Variants in ASCC2 observed in about 807,000 individuals in gnomAD.
ASCC2 encodes the protein activating signal cointegrator 1 complex subunit 2, also known as ASC-1 complex subunit P100.
Under a neutral mutation model 93.5 loss-of-function variants are expected in ASCC2, and 42 were observed. The ratio of observed to expected loss-of-function variants is 0.45; its 90% CI spans 0.35 to 0.58. The LOEUF is 0.58. Ranked by LOEUF, ASCC2 falls within the 20% of genes least tolerant of loss-of-function variation. ASCC2 has a pLI of 0.00. For synonymous variants in ASCC2, 364 were observed against 384.2 expected, an observed-to-expected ratio of 0.95 and a Z score of 0.62; for missense variants, 859 against 977.6, an observed-to-expected ratio of 0.88 and a Z score of 1.62.
intron 4 of ASCC2, among the ~76,000 whole-genome samples, chr22:29,822,838 A>G (rs1367683102): frequency 6.8e-6 from 1 of 146,174 alleles, no homozygotes; most frequent in Admixed American, 7.1e-5. Flanking sequence ...CTCCCACTTC[A>G]GTCTCTTGAG....
Position 29,825,063 on chromosome 22 carries a change from C to T in ASCC2, c.411+24G>A. On this transcript the variant is annotated intron_variant, in intron 4 of 19. Transcript: ENST00000307790. The surrounding 1 kb of genome is among the most constrained non-coding windows in gnomAD (Gnocchi z 4.9). ...AGAGGTGTCGAGTATCGGGTGATGA[C>T]CTGTCATGGGATCAGTGGCTTACTT... 1 of 1,409,938 alleles carries T rather than the reference C, an allele frequency of 7.1e-7. No homozygotes were observed. Among genetic ancestry groups the T allele is most frequent in the East Asian group, 2.7e-5 (1 of 37,444 alleles). The allele number at this position is 1,409,938 out of a possible 1,614,324, so 87.3% of individuals were successfully genotyped here. A position where few individuals can be genotyped will look rare whatever the true frequency, so the allele number is the denominator to read the frequency against.
intron 5 of ASCC2, among the ~76,000 whole-genome samples, chr22:29,818,016 C>T (rs2061065181): frequency 6.9e-6 from 1 of 143,944 alleles, no homozygotes; most frequent in African/African-American, 2.6e-5. Flanking sequence ...TGTTGATGCA[C>T]AATACCAGCC....
Position 29,825,718 on chromosome 22 carries a change from A to T in ASCC2, c.144T>A (p.Ile48=). 6.2e-7 allele frequency: 1 copy of T among 1,614,202 alleles called. No homozygotes were observed. Among genetic ancestry groups the T allele is most frequent in the Non-Finnish European group, 8.5e-7 (1 of 1,180,024 alleles). The stretch of plus-strand genomic sequence containing the variant: ...CCAGGTACTCCTCCACTAGGGCGGG[A>T]ATGTTGTCTTTAGGGGGCGGTTTGT... ...VLYKPPPKDN[I]PALVEEYLER... Residue 48 remains isoleucine (I), a synonymous_variant, in exon 3 of 20, where the codon ATT becomes ATA. Coordinates refer to ENST00000307790, the MANE Select transcript of ASCC2 (RefSeq NM_032204.5). This position sits in a 1 kb window ranked among gnomAD's most constrained non-coding sequence, Gnocchi z 4.9.
At chr22:29,797,699 A>G (rs1197280953) in intron 15 of ASCC2, among the ~76,000 whole-genome samples, 1 of 152,250 alleles carries the variant, frequency 6.6e-6, no homozygotes, top group Non-Finnish European at 1.5e-5. Context: ...GACTTTTCAG[A>G]GCCTTAATGT....
intron 13 of ASCC2, among the ~76,000 whole-genome samples, chr22:29,803,244 T>C: frequency 1.0e-5 from 1 of 99,040 alleles, no homozygotes; most frequent in African/African-American, 4.9e-5. Context: ...AGAGTAAAAC[T>C]CCATCTCCAA....
At chr22:29,824,976 G>C (rs1055706380) in intron 4 of ASCC2, 111 bp downstream of exon 4, 4 of 1,049,510 alleles carry the variant, frequency 3.8e-6, no homozygotes, top group Middle Eastern at 2.6e-4. Context: ...AGATGGAAGA[G>C]AGACAAAGAG....
At position 29,813,377 on chromosome 22, in the gene ASCC2, A is replaced by G. The variant is rs1046490526; in HGVS notation, c.833+53T>C. 5 of 1,249,406 alleles carry G rather than the reference A, an allele frequency of 4.0e-6. No individual in the cohort carries two copies. The African/African-American group carries it at 5.9e-5, about 15-fold the overall frequency. The allele number at this position is 1,249,406 out of a possible 1,614,324, so 77.4% of individuals were successfully genotyped here. On this transcript the variant is annotated intron_variant, in intron 8 of 19. Transcript: ENST00000307790. Reference sequence around the variant, plus strand: ...TTGTTAAATGAGTAAATATTTGTTAAATTAGTACATAAGCCAGTATCTCTA... The same window carrying G: ...TTGTTAAATGAGTAAATATTTGTTAGATTAGTACATAAGCCAGTATCTCTA...
intron 2 of ASCC2, among the ~76,000 whole-genome samples, chr22:29,826,835 T>C (rs1372280940): frequency 6.6e-6 from 1 of 151,988 alleles, no homozygotes; most frequent in Non-Finnish European, 1.5e-5. Context: ...CAGTGGCTCA[T>C]GCCTATAATC....
chr22:29,804,806 G>C lies in ASCC2; in HGVS notation c.1185C>G (p.Ile395Met). Residue 395 changes from isoleucine (I) to methionine (M), a missense_variant, in exon 13 of 20, where the codon ATC (isoleucine) becomes ATG (methionine). Transcript: ENST00000307790. ...CCCATGCACTCTCGACTGCCTGGAG[G>C]ATGTAGGCAGTCCGCGTCTCGTCCC... ...SVLDETRTAY[I>M]LQAVESAWEG... 6.2e-7 allele frequency: 1 copy of C among 1,614,128 alleles called. No homozygotes were observed. The highest frequency in any genetic ancestry group is 8.5e-7 in the Non-Finnish European group (1 of 1,179,996).
At chr22:29,790,570 A>G in intron 18 of ASCC2, 22 bp from the exon 19 acceptor site, 1 of 1,611,636 alleles carries the variant, frequency 6.2e-7, no homozygotes, top group Non-Finnish European at 8.5e-7. Flanking sequence ...AGAGGAGACC[A>G]AATCTGGAGT....
chr22:29,837,905 A>G (rs2064052550), intron 1 of ASCC2, among the ~76,000 whole-genome samples: 2 of 152,232 alleles, frequency 1.3e-5, no homozygotes, highest in African/African-American at 4.8e-5. Context: ...TTGCTGAACG[A>G]ATGAATGAAC....
Position 29,806,476 on chromosome 22 carries a change from C to T in ASCC2, c.1085+9G>A, listed in dbSNP as rs1243416859. ...GGTCATGGGCCCAGGCCAGCTCAGC[C>T]ACACTCACCTCTTCTCCTGCAGCAA... On this transcript the variant is annotated intron_variant, in intron 11 of 19. Coordinates refer to ENST00000307790, the MANE Select transcript of ASCC2 (RefSeq NM_032204.5). The T allele has an allele frequency of 6.2e-7, 1 of 1,613,764 alleles. No individual in the cohort carries two copies. The highest frequency in any genetic ancestry group is 8.5e-7 in the Non-Finnish European group (1 of 1,179,778).
chr22:29,835,250 T>C (rs2063628874), intron 1 of ASCC2, among the ~76,000 whole-genome samples: 1 of 151,882 alleles, frequency 6.6e-6, no homozygotes, highest in Non-Finnish European at 1.5e-5. Context: ...ATTCAAAAAT[T>C]AGTCAGGTGT....
chr22:29,808,074 T>G (rs1425807518), intron 9 of ASCC2, 37 bp downstream of exon 9: 1 of 1,610,188 alleles, frequency 6.2e-7, no homozygotes, highest in Non-Finnish European at 8.5e-7. Context: ...GGCCTCTCTG[T>G]CCCACAACAA....
At chr22:29,814,052 G>A (rs2060567910) in intron 7 of ASCC2, among the ~76,000 whole-genome samples, 1 of 152,216 alleles carries the variant, frequency 6.6e-6, no homozygotes, top group African/African-American at 2.4e-5. Context: ...GGAAACCGAG[G>A]TTCCGAGAGG....
intron 15 of ASCC2, among the ~76,000 whole-genome samples, chr22:29,794,428 GT>G (rs2058168698): frequency 6.6e-6 from 1 of 151,868 alleles, no homozygotes; most frequent in African/African-American, 2.4e-5. Context: ...GGAAGTGGAG[GT>G]TGCAGTGAGC....
At chr22:29,815,979 C>T (rs1569406308) in intron 6 of ASCC2, 27 bp downstream of exon 6, 1 of 1,557,662 alleles carries the variant, frequency 6.4e-7, no homozygotes. Context: ...AGCTCAACCT[C>T]CCCTGCGCAG....
intron 17 of ASCC2, among the ~76,000 whole-genome samples, chr22:29,792,887 T>C (rs1345315124): frequency 6.6e-6 from 1 of 152,204 alleles, no homozygotes; most frequent in East Asian, 1.9e-4. Context: ...GGCTCACGCC[T>C]GTAATACCCA....
chr22:29,807,298 G>A (rs2059795219), intron 9 of ASCC2, among the ~76,000 whole-genome samples: 1 of 151,090 alleles, frequency 6.6e-6, no homozygotes, highest in Non-Finnish European at 1.5e-5. Context: ...GGCACAAAGG[G>A]AGCTTCTCCC....
Sources: gnomAD v4.1 joint callset for allele counts (sites outside exome capture counted in the v4.1 genomes callset) on GRCh38, gnomAD v4.1.1 for gene constraint, Gnocchi (gnomAD v3.1) non-coding constraint, MANE v1.5 for transcripts, NCBI Gene and HGNC (gene_info 2026-07-23, HGNC 2026-07-21) for gene names.